DPY19L3: variants seen among roughly 807,000 people sequenced by gnomAD.
DPY19L3 encodes the protein dpy-19 like C-mannosyltransferase 3.
DPY19L3 carries 51 observed loss-of-function variants against 92.3 expected under a neutral mutation model. That is an observed-to-expected ratio of 0.55 (90% CI 0.44 to 0.70). The LOEUF (loss-of-function observed/expected upper bound fraction) is 0.70. Ranked by LOEUF, DPY19L3 falls within the 30% of genes least tolerant of loss-of-function variation. DPY19L3 has a pLI of 0.00. For synonymous variants in DPY19L3, 309 were observed against 315.2 expected, an observed-to-expected ratio of 0.98 and a Z score of 0.21; for missense variants, 706 against 855.9, an observed-to-expected ratio of 0.82 and a Z score of 2.18.
At chr19:32,437,758 G>C (rs1479044991) in intron 6 of DPY19L3, among the ~76,000 whole-genome samples, 3 of 144,968 alleles carry the variant, frequency 2.1e-5, no homozygotes, top group African/African-American at 7.4e-5. Flanking sequence ...TAACGTATCA[G>C]TCATTAAAAA....
chr19:32,465,031 C>T (rs1970159427), intron 15 of DPY19L3, among the ~76,000 whole-genome samples: 1 of 152,162 alleles, frequency 6.6e-6, no homozygotes, highest in South Asian at 2.1e-4. Context: ...TTGATTTAGA[C>T]TCTTAATATT....
In DPY19L3 at chr19:32,425,537, C is replaced by T. The variant is rs138104569; in HGVS notation, c.238-7179C>T. Among the ~76,000 whole-genome samples the T allele has an allele frequency of 6.9e-3, 1,041 of 150,360 alleles. 11 individuals carry two copies. Among genetic ancestry groups the T allele is most frequent in the Middle Eastern group, 0.034 (10 of 290 alleles). ...CTGTGCTCCATCGTGGGTAACAGAGCGAGACTCTGTCTCAAAAAAAAAAAA... is the reference window on the plus strand; with the variant it reads ...CTGTGCTCCATCGTGGGTAACAGAGTGAGACTCTGTCTCAAAAAAAAAAAA... On this transcript the variant is annotated intron_variant, in intron 3 of 18. Coordinates refer to ENST00000392250, the MANE Select transcript of DPY19L3 (RefSeq NM_001172774.2).
chr19:32,415,401 G>C (rs1968344461), intron 3 of DPY19L3, among the ~76,000 whole-genome samples: 2 of 152,202 alleles, frequency 1.3e-5, no homozygotes. Context: ...CAAGACGCAA[G>C]AGAGCCTGGT....
chr19:32,418,059 A>G (rs535205716), intron 3 of DPY19L3, among the ~76,000 whole-genome samples: 2 of 152,252 alleles, frequency 1.3e-5, no homozygotes, highest in South Asian at 4.1e-4. Flanking sequence ...TGTGGGTGAG[A>G]TTGTTTCAGG....
chr19:32,431,337 C>T (rs1422282825), intron 3 of DPY19L3, among the ~76,000 whole-genome samples: 1 of 150,476 alleles, frequency 6.6e-6, no homozygotes. Context: ...GAGATCGCAC[C>T]ATTGCACTCC....
Position 32,437,359 on chromosome 19 carries a change from C to T in DPY19L3, c.596+20C>T, listed in dbSNP as rs368827148. 1.6e-5 allele frequency: 26 copies of T among 1,581,040 alleles called. No individual in the cohort carries two copies. Among genetic ancestry groups the T allele is most frequent in the Middle Eastern group, 1.7e-4 (1 of 5,896 alleles). ...AAATAGGTGAGTTGGAGTCAGTATG[C>T]TTCTTTTTTTTCCAAAATGTAAGTA... On this transcript the variant is annotated intron_variant, in intron 6 of 18. Coordinates refer to ENST00000392250, the MANE Select transcript of DPY19L3 (RefSeq NM_001172774.2).
intron 15 of DPY19L3, chr19:32,468,180 A>G (rs1156284564): frequency 2.2e-6 from 2 of 920,766 alleles, no homozygotes; most frequent in Non-Finnish European, 2.6e-6. Context: ...CAGTTTCCAC[A>G]CTTCTAAATG....
intron 15 of DPY19L3, among the ~76,000 whole-genome samples, chr19:32,467,039 G>C (rs142786134): frequency 8.5e-4 from 129 of 152,238 alleles, no homozygotes; most frequent in African/African-American, 3.0e-3. Context: ...CAATTTTGCT[G>C]TATTTCTCTT....
At chr19:32,438,131 T>C (rs1263083193) in intron 6 of DPY19L3, among the ~76,000 whole-genome samples, 3 of 152,180 alleles carry the variant, frequency 2.0e-5, no homozygotes, top group Non-Finnish European at 4.4e-5. Flanking sequence ...TTTAAAAAAA[T>C]GTATTCAAGA....
chr19:32,443,663 A>G (rs1372667408), intron 8 of DPY19L3, among the ~76,000 whole-genome samples: 4 of 152,184 alleles, frequency 2.6e-5, no homozygotes, highest in Admixed American at 6.5e-5. Context: ...TTTGTTAGAT[A>G]ACAGCCTAAA....
At chr19:32,477,498 A>G in intron 16 of DPY19L3, 24 bp from the exon 17 acceptor site, 1 of 1,614,004 alleles carries the variant, frequency 6.2e-7, no homozygotes, top group Non-Finnish European at 8.5e-7. Flanking sequence ...CAGTGGGGTT[A>G]ATTCAGACTC....
chr19:32,483,855 A>G lies in DPY19L3; in HGVS notation c.*1615A>G, dbSNP rs1428665435. 1 of 152,660 alleles carries G rather than the reference A, an allele frequency of 6.6e-6. No individual in the cohort carries two copies. The highest frequency in any genetic ancestry group is 1.5e-5 in the Non-Finnish European group (1 of 68,038). 9.5% of individuals were successfully genotyped at this position (152,660 alleles called of 1,614,324 possible). A position where few individuals can be genotyped will look rare whatever the true frequency, so the allele number is the denominator to read the frequency against. The stretch of plus-strand genomic sequence containing the variant: ...GTACTAAAACTTTAATTAAGCCAAT[A>G]ATGATGCATGCCTGTTGTAGCTGAC... On this transcript the variant is annotated 3_prime_UTR_variant, in exon 19 of 19. Coordinates refer to ENST00000392250, the MANE Select transcript of DPY19L3 (RefSeq NM_001172774.2).
Position 32,413,390 on chromosome 19 carries a change from G to C in DPY19L3, c.237+2018G>C, listed in dbSNP as rs543583676. ...TTAAAACTTGCTGTGTTACTTTATG[G>C]GTACAGTATATATATCTTTATACAA... On this transcript the variant is annotated intron_variant, in intron 3 of 18. Transcript: ENST00000392250. 2.0e-5 allele frequency among the ~76,000 whole-genome samples: 3 copies of C among 151,694 alleles called. 1 individual carries two copies. In the South Asian group the frequency reaches 6.3e-4, roughly 32 times the overall value.
intron 17 of DPY19L3, among the ~76,000 whole-genome samples, chr19:32,478,630 C>T (rs1970583130): frequency 6.6e-6 from 1 of 152,126 alleles, no homozygotes; most frequent in South Asian, 2.1e-4. Flanking sequence ...GAGGGTGGTG[C>T]CCCTTTCTCC....
chr19:32,429,216 G>A (rs1038425566), intron 3 of DPY19L3, among the ~76,000 whole-genome samples: 1 of 152,182 alleles, frequency 6.6e-6, no homozygotes, highest in African/African-American at 2.4e-5. Context: ...CTTCGAAGAT[G>A]TTTTCGTTCT....
chr19:32,442,079 T>C (rs1969342903), intron 8 of DPY19L3, among the ~76,000 whole-genome samples: 1 of 152,202 alleles, frequency 6.6e-6, no homozygotes, highest in African/African-American at 2.4e-5. Flanking sequence ...ACTTAGTTTC[T>C]TCATAAATTA....
chr19:32,453,024 A>C (rs1032524412), intron 8 of DPY19L3, 121 bp from the exon 9 acceptor site: 1 of 1,195,524 alleles, frequency 8.4e-7, no homozygotes, highest in Admixed American at 2.2e-5. Flanking sequence ...TGTTTCTTGA[A>C]TCTACATGTG....
intron 3 of DPY19L3, among the ~76,000 whole-genome samples, chr19:32,418,357 T>G (rs1302855609): frequency 6.6e-6 from 1 of 152,266 alleles, no homozygotes; most frequent in East Asian, 1.9e-4. Context: ...TGTGTTTTGC[T>G]TAGATTCGCT....
At chr19:32,416,727 G>A (rs1364669367) in intron 3 of DPY19L3, among the ~76,000 whole-genome samples, 3 of 152,210 alleles carry the variant, frequency 2.0e-5, no homozygotes, top group Admixed American at 2.0e-4. Flanking sequence ...TACCCTCCTG[G>A]CACATCACTG....
Sources: gnomAD v4.1 joint callset for allele counts (sites outside exome capture counted in the v4.1 genomes callset) on GRCh38, gnomAD v4.1.1 for gene constraint, MANE v1.5 for transcripts, NCBI Gene and HGNC (gene_info 2026-07-23, HGNC 2026-07-21) for gene names.